Variants in HSF2BP observed in about 807,000 individuals in gnomAD.
HSF2BP encodes the protein heat shock transcription factor 2 binding protein, also known as heat shock factor 2-binding protein.
Under a neutral mutation model 35.0 loss-of-function variants are expected in HSF2BP, and 35 were observed. The ratio of observed to expected loss-of-function variants is 1.00; its 90% confidence interval spans 0.76 to 1.32. HSF2BP has a LOEUF of 1.32. Ranked by LOEUF, HSF2BP falls within the 40% of genes most tolerant of loss-of-function variation. HSF2BP has a pLI of 0.00. For missense variants in HSF2BP, 326 were observed against 321.7 expected (o/e 1.01, Z -0.10); for synonymous variants, 114 against 117.4 (o/e 0.97, Z 0.18).
At chr21:43,651,358 A>G (rs2082783568) in intron 3 of HSF2BP, among the ~76,000 whole-genome samples, 1 of 152,170 alleles carries the variant, frequency 6.6e-6, no homozygotes, top group African/African-American at 2.4e-5. Context: ...GCCGATCATA[A>G]ATCATGACAC....
At chr21:43,644,028 G>T (rs1432686870) in intron 4 of HSF2BP, among the ~76,000 whole-genome samples, 1 of 151,934 alleles carries the variant, frequency 6.6e-6, no homozygotes, top group Admixed American at 6.6e-5. Context: ...AATGAACTAA[G>T]ATAATTATGA....
Position 43,656,606 on chromosome 21 carries a change from T to C in HSF2BP, c.168A>G (p.Lys56=), listed in dbSNP as rs1464352619. 1.2e-6 allele frequency: 2 copies of C among 1,608,162 alleles called. No individual in the cohort carries two copies. Among genetic ancestry groups the C allele is most frequent in the East Asian group, 2.2e-5 (1 of 44,870 alleles). ...ACTCACTTTTTTCTACAATCTTTAA[T>C]TTCTGGAAGCTCTCCAGCACCTCCC... ...LNGEVLESFQ[K]LKIVEKNLER... Residue 56 remains lysine (K), a synonymous_variant, in exon 3 of 9, where the codon AAA becomes AAG. Coordinates refer to ENST00000291560, the MANE Select transcript of HSF2BP (RefSeq NM_007031.2).
intron 7 of HSF2BP, among the ~76,000 whole-genome samples, chr21:43,601,529 C>G (rs139061170): frequency 3.9e-5 from 6 of 152,046 alleles, no homozygotes; most frequent in African/African-American, 1.5e-4. Flanking sequence ...CTTAGCTATA[C>G]CTGTTTTTTC....
chr21:43,656,559 C>A (rs989306934), intron 3 of HSF2BP, 28 bp downstream of exon 3: 2 of 1,599,948 alleles, frequency 1.3e-6, no homozygotes, highest in Non-Finnish European at 1.7e-6. Flanking sequence ...ACTGTTACCA[C>A]CAATGACTGC....
intron 8 of HSF2BP, among the ~76,000 whole-genome samples, chr21:43,583,043 G>A (rs2081779892): frequency 5.7e-5 from 1 of 17,600 alleles, no homozygotes; most frequent in Non-Finnish European, 9.0e-5. Context: ...TGAGGGAGAT[G>A]AGGACCTGCT....
intron 4 of HSF2BP, among the ~76,000 whole-genome samples, chr21:43,636,389 AAAT>A (rs1176142838): frequency 2.0e-5 from 3 of 152,130 alleles, no homozygotes; most frequent in Admixed American, 6.5e-5. Context: ...ACCTATTAAA[AAAT>A]AATAATAAAG....
Position 43,653,237 on chromosome 21 carries a change from G to C in HSF2BP, c.187+3350C>G, listed in dbSNP as rs531543550. 3.7e-5 allele frequency among the ~76,000 whole-genome samples: 5 copies of C among 134,902 alleles called. No individual in the cohort carries two copies. In the East Asian group the frequency reaches 1.1e-3, roughly 30 times the overall value. The allele number at this position is 134,902 out of a possible 152,430, so 88.5% of individuals were successfully genotyped here. On this transcript the variant is annotated intron_variant, in intron 3 of 8. Transcript: ENST00000291560. Reference sequence around the variant, plus strand: ...GAAGGGGAAGGGAAGGGAAGGGGAAGGGAAGGGGAGGGGAGGGGAGGGAAG... The same window carrying C: ...GAAGGGGAAGGGAAGGGAAGGGGAACGGAAGGGGAGGGGAGGGGAGGGAAG...
chr21:43,592,203 G>A, intron 8 of HSF2BP, 22 bp downstream of exon 8: 2 of 1,509,672 alleles, frequency 1.3e-6, no homozygotes, highest in Non-Finnish European at 1.8e-6. Flanking sequence ...CAAGCAGCTG[G>A]ACAGATAACC....
At chr21:43,624,850 A>C (rs1568922578) in intron 6 of HSF2BP, among the ~76,000 whole-genome samples, 1 of 151,876 alleles carries the variant, frequency 6.6e-6, no homozygotes, top group Non-Finnish European at 1.5e-5. Flanking sequence ...CACACTCTTC[A>C]TTTGCCCTCT....
intron 6 of HSF2BP, among the ~76,000 whole-genome samples, chr21:43,615,034 T>C (rs971707343): frequency 6.6e-6 from 1 of 152,228 alleles, no homozygotes. Flanking sequence ...CTGCTCCCAA[T>C]GGGCAGTGCT....
At chr21:43,579,185 T>C (rs2081687107) in intron 8 of HSF2BP, among the ~76,000 whole-genome samples, 1 of 152,216 alleles carries the variant, frequency 6.6e-6, no homozygotes, top group Non-Finnish European at 1.5e-5. Flanking sequence ...ACAAATCATA[T>C]GGAAGATTTC....
Position 43,585,233 on chromosome 21 carries a change from C to T in HSF2BP, c.796+6992G>A, listed in dbSNP as rs76695136. On this transcript the variant is annotated intron_variant, in intron 8 of 8. Transcript: ENST00000291560. ...GGCTGGAGCAGGAGGATCCCATGAG[C>T]CCAGGAATTCGATTTACAGTCAGCT... 7.9e-3 allele frequency among the ~76,000 whole-genome samples: 1,200 copies of T among 152,210 alleles called. 9 individuals are homozygous for T. Among genetic ancestry groups the T allele is most frequent in the Non-Finnish European group, 0.014 (943 of 68,024 alleles).
At chr21:43,622,172 T>C (rs887544336) in intron 6 of HSF2BP, among the ~76,000 whole-genome samples, 5 of 152,020 alleles carry the variant, frequency 3.3e-5, no homozygotes, top group Admixed American at 2.6e-4. Context: ...AAATCTGTAA[T>C]AGATGCACTA....
intron 6 of HSF2BP, among the ~76,000 whole-genome samples, chr21:43,621,959 G>T (rs956273071): frequency 6.6e-6 from 1 of 152,076 alleles, no homozygotes; most frequent in Non-Finnish European, 1.5e-5. Flanking sequence ...GAGCTACAGC[G>T]ACCTATTAAA....
intron 3 of HSF2BP, among the ~76,000 whole-genome samples, chr21:43,649,095 C>A (rs985719501): frequency 6.6e-6 from 1 of 151,970 alleles, no homozygotes; most frequent in African/African-American, 2.4e-5. Context: ...CCCTCTGTTG[C>A]CCAGGCTGGA....
intron 6 of HSF2BP, among the ~76,000 whole-genome samples, chr21:43,629,071 T>C (rs1199062784): frequency 1.3e-5 from 2 of 152,216 alleles, no homozygotes; most frequent in Non-Finnish European, 2.9e-5. Flanking sequence ...GAAAGTAATG[T>C]TGACTCCATG....
chr21:43,633,330 C>T lies in HSF2BP; in HGVS notation c.383G>A (p.Cys128Tyr). The T allele has an allele frequency of 1.2e-6, 2 of 1,614,124 alleles. No individual in the cohort carries two copies. Among genetic ancestry groups the T allele is most frequent in the Non-Finnish European group, 1.7e-6 (2 of 1,180,006 alleles). Residue 128 changes from cysteine to tyrosine, a missense_variant, in exon 5 of 9, where the codon TGT (cysteine) becomes TAT (tyrosine). Coordinates refer to ENST00000291560, the MANE Select transcript of HSF2BP (RefSeq NM_007031.2). ...EYCTEMGAAA[C>Y]TLLWGVSSSE... ...GCTGGAGACACCCCACAAGAGGGTA[C>T]ACGCTGCTGCTCCCATTTCTGTACA...
chr21:43,652,714 A>T (rs960158505), intron 3 of HSF2BP, among the ~76,000 whole-genome samples: 9 of 152,188 alleles, frequency 5.9e-5, no homozygotes, highest in Non-Finnish European at 4.4e-5. Context: ...AAATTAGATA[A>T]AAGATGCCTT....
chr21:43,622,726 G>C (rs562671570), intron 6 of HSF2BP, among the ~76,000 whole-genome samples: 1 of 152,104 alleles, frequency 6.6e-6, no homozygotes, highest in African/African-American at 2.4e-5. Flanking sequence ...TAACAGTAGA[G>C]ACTTCAACAT....
Sources: gnomAD v4.1 joint callset for allele counts (sites outside exome capture counted in the v4.1 genomes callset) on GRCh38, gnomAD v4.1.1 for gene constraint, MANE v1.5 for transcripts, NCBI Gene and HGNC (gene_info 2026-07-23, HGNC 2026-07-21) for gene names.